Variants in PHF21B observed in about 807,000 individuals in gnomAD.
PHF21B encodes the protein PHD finger protein 4.
Under a neutral mutation model 62.2 loss-of-function variants are expected in PHF21B, and 22 were observed. That is an observed-to-expected ratio of 0.35 (90% CI 0.25 to 0.51). PHF21B has a LOEUF of 0.51. PHF21B is among the 20% of genes least tolerant of loss of function. The probability of loss-of-function intolerance (pLI) is 0.97; values close to 1 mark genes in which losing one functional copy is unlikely to be tolerated. For missense variants in PHF21B, 701 were observed against 707.9 expected, an observed-to-expected ratio of 0.99 and a Z score of 0.11; for synonymous variants, 341 against 314.7, an observed-to-expected ratio of 1.08 and a Z score of -0.88.
rs1189845438 is a variant in PHF21B, at chr22:44,954,232, C to T, written c.121-33742G>A. On this transcript the variant is annotated intron_variant, in intron 2 of 12. Transcript: ENST00000313237. ...CCTTGGAAAATACTTTTGCAAGCAC[C>T]CAGTGCTTATCTGGTACTTTCCAGC... Among the ~76,000 whole-genome samples the T allele has an allele frequency of 5.3e-5, 8 of 152,334 alleles. No individual in the cohort carries two copies. The South Asian group carries it at 1.0e-3, about 20-fold the overall frequency.
chr22:44,945,154 C>A (rs933665834), intron 2 of PHF21B, among the ~76,000 whole-genome samples: 1 of 152,176 alleles, frequency 6.6e-6, no homozygotes, highest in Non-Finnish European at 1.5e-5. Context: ...TCCAAGTACA[C>A]AAAAAGCTGC....
At chr22:44,934,318 G>A (rs943762997) in intron 2 of PHF21B, among the ~76,000 whole-genome samples, 9 of 152,168 alleles carry the variant, frequency 5.9e-5, no homozygotes, top group East Asian at 1.9e-4. Flanking sequence ...ACCCATCACC[G>A]CACGCGACCT....
At chr22:44,892,154 C>T (rs987351093) in intron 7 of PHF21B, among the ~76,000 whole-genome samples, 1 of 151,318 alleles carries the variant, frequency 6.6e-6, no homozygotes, top group African/African-American at 2.5e-5. Flanking sequence ...AGGAATGAAG[C>T]CCTCCCTGTC....
chr22:44,950,327 G>A (rs996022442), intron 2 of PHF21B, among the ~76,000 whole-genome samples: 1 of 152,246 alleles, frequency 6.6e-6, no homozygotes, highest in African/African-American at 2.4e-5. Context: ...AATACCCTCT[G>A]TCGTTTCATC....
In PHF21B at chr22:44,996,947, G is replaced by A. The variant is rs1430306092; in HGVS notation, c.120+11598C>T. On this transcript the variant is annotated intron_variant, in intron 2 of 12. Transcript: ENST00000313237. ...GCACACACACGCGCACATGCACATC[G>A]CTTCCCCGTTCTACTTTTCACCAGA... is the stretch of plus-strand genomic sequence containing the variant. Among the ~76,000 whole-genome samples, 6 of 151,978 alleles carry A rather than the reference G, an allele frequency of 3.9e-5. No homozygotes were observed. In the East Asian group the frequency reaches 9.6e-4, roughly 24 times the overall value.
chr22:44,895,247 T>TGGGGGCTTCCCCAA (rs2071036037), intron 6 of PHF21B, among the ~76,000 whole-genome samples: 1 of 152,040 alleles, frequency 6.6e-6, no homozygotes, highest in African/African-American at 2.4e-5. Context: ...AGCTTCCCCA[T>TGGGGGCTTCCCCAA]GGGGGCTTCC....
chr22:44,986,501 G>A (rs2072951759), intron 2 of PHF21B, among the ~76,000 whole-genome samples: 1 of 143,594 alleles, frequency 7.0e-6, no homozygotes, highest in Admixed American at 7.1e-5. Flanking sequence ...GGGTCTTGGT[G>A]GATGGGCTGG....
rs373767398 is a variant in PHF21B, at chr22:44,900,203, T to C, written c.832-4120A>G. 5.3e-5 allele frequency among the ~76,000 whole-genome samples: 8 copies of C among 152,302 alleles called. No homozygotes were observed. In the East Asian group the frequency reaches 5.8e-4, roughly 11 times the overall value. On this transcript the variant is annotated intron_variant, in intron 5 of 12. Coordinates refer to ENST00000313237, the MANE Select transcript of PHF21B (RefSeq NM_138415.5). ...CATCCTCACCCACAGTTAAATATAT[T>C]TGATGCTCACCCCAGTGCTGGTACC... is the stretch of plus-strand genomic sequence containing the variant.
chr22:44,912,878 C>CAAAAAAAAAAAAAAAAAAAAAAAAAAAAA (rs3087031), intron 5 of PHF21B, among the ~76,000 whole-genome samples: 1 of 45,600 alleles, frequency 2.2e-5, no homozygotes, highest in Non-Finnish European at 3.5e-5. Flanking sequence ...GACTCTATCT[C>CAAAAAAAAAAAAAAAAAAAAAAAAAAAAA]AAAAAAAAAA....
At chr22:44,976,487 T>C (rs1284652391) in intron 2 of PHF21B, among the ~76,000 whole-genome samples, 1 of 152,228 alleles carries the variant, frequency 6.6e-6, no homozygotes, top group African/African-American at 2.4e-5. Flanking sequence ...AAATGTGGAC[T>C]TCATGCCATT....
chr22:44,934,153 CA>C (rs542306401), intron 2 of PHF21B, among the ~76,000 whole-genome samples: 27 of 152,322 alleles, frequency 1.8e-4, no homozygotes, highest in South Asian at 1.0e-3. Context: ...TGGTGGCTGC[CA>C]CAAGGCAGGG....
chr22:44,977,813 CTGGCCTCAAGTAATCCTCCCACCA>C, intron 2 of PHF21B, among the ~76,000 whole-genome samples: 1 of 151,526 alleles, frequency 6.6e-6, no homozygotes, highest in Admixed American at 6.6e-5. Flanking sequence ...TCTCGAACTC[CTGGCCTCAAGTAATCCTCCCACCA>C]TGGCCTCCCA....
intron 2 of PHF21B, chr22:45,000,469 G>A (rs1208662069): frequency 1.3e-5 from 2 of 152,212 alleles, no homozygotes; most frequent in Non-Finnish European, 1.5e-5. Flanking sequence ...TTCGGTTCCT[G>A]AAGAGACAAA....
At chr22:44,983,243 A>T (rs1052182352) in intron 2 of PHF21B, among the ~76,000 whole-genome samples, 2 of 1,890 alleles carry the variant, frequency 1.1e-3, no homozygotes, top group African/African-American at 3.1e-3. Flanking sequence ...CAAAAAAAAA[A>T]AAAAAAAAAG....
At chr22:44,885,332 A>G in intron 12 of PHF21B, 94 bp downstream of exon 12, 3 of 1,213,566 alleles carry the variant, frequency 2.5e-6, no homozygotes, top group Non-Finnish European at 3.4e-6. Flanking sequence ...GCCTGGATCT[A>G]CACCTGTGGT....
chr22:44,916,199 T>G, intron 4 of PHF21B, 81 bp downstream of exon 4: 1 of 1,350,070 alleles, frequency 7.4e-7, no homozygotes, highest in Non-Finnish European at 1.0e-6. Context: ...GGCTTGTTCA[T>G]TTGGCCCTTC....
intron 9 of PHF21B, 53 bp downstream of exon 9, chr22:44,889,707 C>T: frequency 6.4e-7 from 1 of 1,571,800 alleles, no homozygotes; most frequent in Non-Finnish European, 8.6e-7. Context: ...GAGGACTGTA[C>T]TGAAAACATT....
rs563477409 is a variant in PHF21B, at chr22:44,944,157, C to T, written c.121-23667G>A. Among the ~76,000 whole-genome samples, 5 of 152,322 alleles carry T rather than the reference C, an allele frequency of 3.3e-5. No individual in the cohort carries two copies. In the East Asian group the frequency reaches 7.7e-4, roughly 24 times the overall value. ...GTTCTGCAGACAGTGAAGGACTGTG[C>T]GCCCAGCATCCAGTGGCTTCCACCT... is the stretch of plus-strand genomic sequence containing the variant. On this transcript the variant is annotated intron_variant, in intron 2 of 12. Coordinates refer to ENST00000313237, the MANE Select transcript of PHF21B (RefSeq NM_138415.5).
At chr22:44,897,774 T>C (rs2071086231) in intron 5 of PHF21B, among the ~76,000 whole-genome samples, 1 of 152,122 alleles carries the variant, frequency 6.6e-6, no homozygotes, top group Non-Finnish European at 1.5e-5. Flanking sequence ...GGTACATTAT[T>C]ATCAGCTAAA....
Sources: allele counts gnomAD v4.1 joint callset (sites outside exome capture counted in the v4.1 genomes callset), GRCh38; gene constraint gnomAD v4.1.1; transcripts MANE v1.5; gene names NCBI Gene and HGNC (gene_info 2026-07-23, HGNC 2026-07-21).